The following FBXO31 variants were observed in gnomAD, a reference collection of about 807,000 sequenced individuals.
FBXO31 encodes the protein F-box protein 31, also known as F-box only protein 31.
A neutral mutation model predicts 54.4 loss-of-function variants in FBXO31; 24 were observed. That is an observed-to-expected ratio of 0.44 (90% CI 0.32 to 0.62). The LOEUF (loss-of-function observed/expected upper bound fraction) is 0.62. FBXO31 is among the 20% of genes least tolerant of loss of function. FBXO31 has a pLI of 0.05. For missense variants in FBXO31, 665 were observed against 787.1 expected, an observed-to-expected ratio of 0.84 and a Z score of 1.86; for synonymous variants, 388 against 335.6, an observed-to-expected ratio of 1.16 and a Z score of -1.71.
intron 1 of FBXO31, among the ~76,000 whole-genome samples, chr16:87,364,588 C>T (rs774115133): frequency 6.6e-6 from 1 of 152,162 alleles, no homozygotes; most frequent in Non-Finnish European, 1.5e-5. Flanking sequence ...CATCCAACTG[C>T]CCACCCGTCA....
chr16:87,354,253 G>A (rs150363538), intron 2 of FBXO31, among the ~76,000 whole-genome samples: 3 of 151,978 alleles, frequency 2.0e-5, no homozygotes, highest in African/African-American at 7.2e-5. Flanking sequence ...CGGGATAATC[G>A]CTTGAGCCCA....
At chr16:87,374,467 T>C (rs564376699) in intron 1 of FBXO31, among the ~76,000 whole-genome samples, 10 of 152,202 alleles carry the variant, frequency 6.6e-5, no homozygotes, top group African/African-American at 2.4e-4. Context: ...GGAAACAGAA[T>C]GGCTGCATGG....
At chr16:87,333,780 C>G (rs897392654) in intron 8 of FBXO31, 106 bp downstream of exon 8, 2 of 1,488,562 alleles carry the variant, frequency 1.3e-6, no homozygotes, top group Non-Finnish European at 9.0e-7. Context: ...CTGCCGCCCT[C>G]TGTGAGGTCA....
chr16:87,359,537 G>C (rs566070607), intron 2 of FBXO31, among the ~76,000 whole-genome samples: 103 of 152,308 alleles, frequency 6.8e-4, no homozygotes, highest in South Asian at 3.3e-3. Context: ...GAGATGATAT[G>C]ACCCAAATGG....
Position 87,327,188 on chromosome 16 carries a change from A to G in FBXO31, c.*4100T>C, listed in dbSNP as rs1189276419. 6.5e-6 allele frequency: 1 copy of G among 152,704 alleles called. No individual in the cohort carries two copies. The highest frequency in any genetic ancestry group is 2.4e-5 in the African/African-American group (1 of 41,476). 9.5% of individuals were successfully genotyped at this position (152,704 alleles called of 1,614,324 possible). A position where few individuals can be genotyped will look rare whatever the true frequency, so the allele number is the denominator to read the frequency against. On this transcript the variant is annotated 3_prime_UTR_variant, in exon 9 of 9. Coordinates refer to ENST00000311635, the MANE Select transcript of FBXO31 (RefSeq NM_024735.5). ...AGCGCTTTCCTAATGCAGGCAGGCT[A>G]CATGGCCCCCAGAAACAACCAAATG...
chr16:87,359,251 C>T (rs1258592322), intron 2 of FBXO31, among the ~76,000 whole-genome samples: 1 of 152,200 alleles, frequency 6.6e-6, no homozygotes, highest in Non-Finnish European at 1.5e-5. Context: ...ATGCCCTGTC[C>T]TCCTATCCCC....
chr16:87,371,195 A>G (rs1190058687), intron 1 of FBXO31, among the ~76,000 whole-genome samples: 2 of 152,232 alleles, frequency 1.3e-5, no homozygotes, highest in East Asian at 1.9e-4. Flanking sequence ...CTAAACAATG[A>G]GGTGACCACT....
At chr16:87,350,600 A>G (rs968065553) in intron 2 of FBXO31, among the ~76,000 whole-genome samples, 2 of 152,210 alleles carry the variant, frequency 1.3e-5, no homozygotes, top group African/African-American at 2.4e-5. Context: ...GCATCAGAAA[A>G]TAAGTCCACA....
chr16:87,353,485 G>A (rs774713371), intron 2 of FBXO31, among the ~76,000 whole-genome samples: 5 of 152,244 alleles, frequency 3.3e-5, no homozygotes, highest in Non-Finnish European at 7.3e-5. Flanking sequence ...TGCGCAGAAA[G>A]TGCCCGATCC....
chr16:87,329,240 C>G lies in FBXO31; in HGVS notation c.*2048G>C, dbSNP rs1187161925. On this transcript the variant is annotated 3_prime_UTR_variant, in exon 9 of 9. Transcript: ENST00000311635. ...TGGAGAGACCCCCGCCCCCAACATA[C>G]ACACCAGAACCAGGAGCCACATGAA... 6.6e-6 allele frequency: 1 copy of G among 152,548 alleles called. No homozygotes were observed. The highest frequency in any genetic ancestry group is 1.5e-5 in the Non-Finnish European group (1 of 68,284). The allele number at this position is 152,548 out of a possible 1,614,324, so 9.4% of individuals were successfully genotyped here. A position where few individuals can be genotyped will look rare whatever the true frequency, so the allele number is the denominator to read the frequency against.
intron 1 of FBXO31, among the ~76,000 whole-genome samples, chr16:87,380,924 T>C (rs1406374132): frequency 6.6e-6 from 1 of 152,254 alleles, no homozygotes; most frequent in Admixed American, 6.5e-5. Flanking sequence ...CTTTGAATTT[T>C]TGATTACACA....
chr16:87,343,092 G>A (rs771871813), intron 4 of FBXO31, 141 bp from the exon 5 acceptor site: 14 of 645,304 alleles, frequency 2.2e-5, no homozygotes, highest in Middle Eastern at 3.3e-4. Flanking sequence ...TGCGACCAAC[G>A]CGGTGCCAGC....
chr16:87,384,540 C>A (rs148649561), upstream of FBXO31, among the ~76,000 whole-genome samples: 1,726 of 152,358 alleles, frequency 0.011, 8 homozygotes, highest in Non-Finnish European at 0.018. Flanking sequence ...TCCAGCTGGG[C>A]TCCGCCGAGG....
At chr16:87,351,930 A>G (rs1043892240) in intron 2 of FBXO31, among the ~76,000 whole-genome samples, 10 of 152,166 alleles carry the variant, frequency 6.6e-5, no homozygotes, top group African/African-American at 2.2e-4. Flanking sequence ...TCGTTTGTAC[A>G]GTGGCTCTCC....
intron 8 of FBXO31, 78 bp from the exon 9 acceptor site, chr16:87,331,588 C>G: frequency 8.1e-7 from 1 of 1,228,962 alleles, no homozygotes; most frequent in Non-Finnish European, 1.1e-6. Flanking sequence ...ATTCTGCGAC[C>G]CCGCTCTGTG....
At position 87,331,494 on chromosome 16, in the gene FBXO31, G is replaced by C. The variant is rs1311542826; in HGVS notation, c.1414C>G (p.Leu472Val). The change falls in exon 9 of 9, where the codon CTC (leucine) becomes GTC (valine). Residue 472 changes from leucine (L) to valine (V), a missense_variant. By Grantham distance (32) the Leu-to-Val change is conservative. Coordinates refer to ENST00000311635, the MANE Select transcript of FBXO31 (RefSeq NM_024735.5). ...CTGGTGAAGCCGTGGCCCGCGATGA[G>C]GCCTGTGCCATAAAAACTGAGCAGA... is the stretch of plus-strand genomic sequence containing the variant. ...TCRMCFYGTG[L>V]IAGHGFTSPE... 10 of 1,605,202 alleles carry C rather than the reference G, an allele frequency of 6.2e-6. No homozygotes were observed. The East Asian group carries it at 2.2e-4, about 36-fold the overall frequency.
Position 87,383,378 on chromosome 16 carries a change from CCGGCCCCGCCA to C in FBXO31, c.340+16_340+26del. ...ACCTGGCAGGGACCCCCCGCCCCTC[CCGGCCCCGCCA>C]CCCCCGCGCGCTCACCCTCACGGCA... On this transcript the variant is annotated intron_variant, in intron 1 of 8. Transcript: ENST00000311635. This position sits in a 1 kb window ranked among gnomAD's most constrained non-coding sequence, Gnocchi z 4.9. 1 of 1,502,574 alleles carries C rather than the reference CCGGCCCCGCCA, an allele frequency of 6.7e-7. No homozygotes were observed. The highest frequency in any genetic ancestry group is 8.9e-7 in the Non-Finnish European group (1 of 1,117,886). 93.1% of individuals were successfully genotyped at this position (1,502,574 alleles called of 1,614,324 possible). A position where few individuals can be genotyped will look rare whatever the true frequency, so the allele number is the denominator to read the frequency against.
chr16:87,357,281 C>A, intron 2 of FBXO31, among the ~76,000 whole-genome samples: 1 of 150,804 alleles, frequency 6.6e-6, no homozygotes. Context: ...ATTCCTATAA[C>A]TGTGGCTTAG....
At position 87,346,163 on chromosome 16, in the gene FBXO31, G is replaced by A. The variant is rs543791532; in HGVS notation, c.489+1011C>T. 1.1e-4 allele frequency among the ~76,000 whole-genome samples: 17 copies of A among 152,314 alleles called. No individual in the cohort carries two copies. The highest frequency in any genetic ancestry group is 3.8e-4 in the African/African-American group (16 of 41,578). ...TGTGTCCTGGGAAGGAGAGAGACCC[G>A]GAATGAGAACGGGACGCTTCCCCAA... On this transcript the variant is annotated intron_variant, in intron 3 of 8. Coordinates refer to ENST00000311635, the MANE Select transcript of FBXO31 (RefSeq NM_024735.5). The surrounding 1 kb of genome is among the most constrained non-coding windows in gnomAD (Gnocchi z 4.2).
Sources: gnomAD v4.1 joint callset for allele counts (sites outside exome capture counted in the v4.1 genomes callset) on GRCh38, gnomAD v4.1.1 for gene constraint, Gnocchi (gnomAD v3.1) non-coding constraint, MANE v1.5 for transcripts, NCBI Gene and HGNC (gene_info 2026-07-23, HGNC 2026-07-21) for gene names.